Variants in LRP1B observed in about 807,000 individuals in gnomAD.
The protein encoded by LRP1B is low-density lipoprotein receptor-related protein 1B.
Under a neutral mutation model 556.6 loss-of-function variants are expected in LRP1B, and 217 were observed. The ratio of observed to expected loss-of-function variants is 0.39; its 90% CI spans 0.35 to 0.44. The LOEUF is 0.44. Ranked by LOEUF, LRP1B falls within the 20% of genes least tolerant of loss-of-function variation. The probability of loss-of-function intolerance (pLI) is 1.00; values close to 1 mark genes in which losing one functional copy is unlikely to be tolerated. For missense variants in LRP1B, 5,053 were observed against 5,620.8 expected (o/e 0.90, Z 3.23); for synonymous variants, 2,047 against 1,865.8 (o/e 1.10, Z -2.50).
chr2:140,484,736 A>G (rs1688396067), intron 59 of LRP1B, among the ~76,000 whole-genome samples: 1 of 152,184 alleles, frequency 6.6e-6, no homozygotes, highest in African/African-American at 2.4e-5. Flanking sequence ...TGACACCTTC[A>G]GATGTGTTCA....
Position 140,385,954 on chromosome 2 carries a change from G to A in LRP1B, c.10470C>T (p.Pro3490=), listed in dbSNP as rs752743011. 2.4e-5 allele frequency: 38 copies of A among 1,613,460 alleles called. No individual in the cohort carries two copies. The highest frequency in any genetic ancestry group is 5.5e-5 in the South Asian group (5 of 91,050). The change falls in exon 67 of 91, where the codon CCC becomes CCT. Residue 3490 remains proline, a synonymous_variant. Transcript: ENST00000389484. ...TTTGGCTATCACACCGCCAGTGATC[G>A]GGAATACAGTTGTTGTTTTTACACT... ...EFQCKNNNCI[P]DHWRCDSQND...
intron 1 of LRP1B, among the ~76,000 whole-genome samples, chr2:142,035,786 C>T (rs1297546107): frequency 2.6e-5 from 4 of 151,606 alleles, no homozygotes; most frequent in Admixed American, 6.6e-5. Flanking sequence ...GATATGGTTT[C>T]GCTGTGTCCT....
At chr2:140,351,878 C>A (rs908721608) in intron 76 of LRP1B, among the ~76,000 whole-genome samples, 3 of 152,060 alleles carry the variant, frequency 2.0e-5, no homozygotes, top group South Asian at 2.1e-4. Flanking sequence ...ATCTCCACTT[C>A]TTATAACTAT....
chr2:140,386,202 T>C (rs1246644954), intron 66 of LRP1B, among the ~76,000 whole-genome samples, 193 bp from the exon 67 acceptor site: 1 of 152,202 alleles, frequency 6.6e-6, no homozygotes, highest in Non-Finnish European at 1.5e-5. Context: ...GTTGTTACTG[T>C]TCATGCTTTC....
At chr2:140,729,802 T>C (rs2105494808) in intron 35 of LRP1B, among the ~76,000 whole-genome samples, 1 of 152,274 alleles carries the variant, frequency 6.6e-6, no homozygotes, top group Admixed American at 6.5e-5. Flanking sequence ...CTCTTCATAG[T>C]TAGCTACTTA....
At chr2:140,701,502 C>T (rs922007108) in intron 40 of LRP1B, among the ~76,000 whole-genome samples, 2 of 152,022 alleles carry the variant, frequency 1.3e-5, no homozygotes, top group African/African-American at 2.4e-5. Flanking sequence ...TGTAACATGT[C>T]CATGTACCTG....
intron 2 of LRP1B, among the ~76,000 whole-genome samples, chr2:141,685,190 T>C (rs1417250534): frequency 1.3e-5 from 2 of 152,090 alleles, no homozygotes; most frequent in Admixed American, 1.3e-4. Context: ...ATTCATTGTA[T>C]TTTGAGTGCA....
chr2:141,181,481 A>G (rs1005575880), intron 7 of LRP1B, among the ~76,000 whole-genome samples: 4 of 151,052 alleles, frequency 2.6e-5, no homozygotes, highest in Non-Finnish European at 1.5e-5. Context: ...ATTGAATACT[A>G]GAAACAGAGT....
Position 140,950,259 on chromosome 2 carries a change from C to T in LRP1B, c.3112G>A (p.Ala1038Thr), listed in dbSNP as rs777335628. The T allele has an allele frequency of 1.3e-6, 2 of 1,598,920 alleles. No homozygotes were observed. Among genetic ancestry groups the T allele is most frequent in the East Asian group, 4.5e-5 (2 of 44,520 alleles). ...DNDCGDFSDE[A>T]QINCTKEEIH... ...CCTTCTTTAGTACAATTGATCTGGG[C>T]TTCATCACTGAAGTCCCCACAGTCA... The change falls in exon 20 of 91, where the codon GCC becomes ACC. Residue 1038 changes from alanine (A) to threonine (T), a missense_variant. Coordinates refer to ENST00000389484, the MANE Select transcript of LRP1B (RefSeq NM_018557.3).
At chr2:141,584,085 TC>T (rs935342004) in intron 2 of LRP1B, among the ~76,000 whole-genome samples, 17 of 150,664 alleles carry the variant, frequency 1.1e-4, no homozygotes, top group Admixed American at 2.7e-4. Flanking sequence ...TCTACAAATT[TC>T]CCCCCAACGT....
At chr2:141,267,957 T>G (rs1684952569) in intron 3 of LRP1B, among the ~76,000 whole-genome samples, 2 of 152,156 alleles carry the variant, frequency 1.3e-5, no homozygotes, top group Non-Finnish European at 2.9e-5. Flanking sequence ...TTTTTCATAT[T>G]TAGTAAATTA....
At chr2:140,299,753 C>T (rs115727656) in intron 83 of LRP1B, among the ~76,000 whole-genome samples, 1 of 152,066 alleles carries the variant, frequency 6.6e-6, no homozygotes, top group East Asian at 1.9e-4. Flanking sequence ...AGAAGTAATT[C>T]TTCAATTACA....
At chr2:141,312,034 G>A (rs1016950409) in intron 3 of LRP1B, among the ~76,000 whole-genome samples, 4 of 152,176 alleles carry the variant, frequency 2.6e-5, no homozygotes, top group African/African-American at 9.7e-5. Flanking sequence ...GAGGAGAAAT[G>A]TAGGGAAAAT....
At chr2:140,784,714 A>G (rs77487273) in intron 32 of LRP1B, among the ~76,000 whole-genome samples, 9,463 of 101,292 alleles carry the variant, frequency 0.093, 745 homozygotes, top group East Asian at 0.25. Flanking sequence ...AGAGGAGGTT[A>G]TAATGAAGAA....
rs199994296 is a variant in LRP1B at position 141,710,454 on chromosome 2, T to A, written c.205+99825A>T. Among the ~76,000 whole-genome samples the A allele has an allele frequency of 9.8e-5, 15 of 152,298 alleles. No individual in the cohort carries two copies. The East Asian group carries it at 2.3e-3, about 24-fold the overall frequency. On this transcript the variant is annotated intron_variant, in intron 2 of 90. Transcript: ENST00000389484. ...GTAAAGAGCAGCTACCCTGTGATTG[T>A]CACAGTAAATTACAGAATTTCAGTG... is the stretch of plus-strand genomic sequence containing the variant.
At chr2:141,591,541 G>A (rs998486312) in intron 2 of LRP1B, among the ~76,000 whole-genome samples, 1 of 151,550 alleles carries the variant, frequency 6.6e-6, no homozygotes, top group African/African-American at 2.4e-5. Flanking sequence ...AGTTTTCCTC[G>A]GGCAGAAAAT....
At chr2:140,830,946 C>G (rs371430375) in intron 31 of LRP1B, among the ~76,000 whole-genome samples, 1 of 151,946 alleles carries the variant, frequency 6.6e-6, no homozygotes, top group African/African-American at 2.4e-5. Context: ...AAGAAACAAT[C>G]CCATATGCAA....
intron 2 of LRP1B, among the ~76,000 whole-genome samples, chr2:141,794,116 T>C (rs1695719228): frequency 6.6e-6 from 1 of 151,932 alleles, no homozygotes; most frequent in Admixed American, 6.6e-5. Flanking sequence ...AGGAATATTT[T>C]AGTCTAGAAA....
At chr2:141,705,491 T>G (rs1692104022) in intron 2 of LRP1B, among the ~76,000 whole-genome samples, 1 of 152,038 alleles carries the variant, frequency 6.6e-6, no homozygotes, top group South Asian at 2.1e-4. Context: ...ATGTAGGTAG[T>G]GCTTAATGAT....
Sources: gnomAD v4.1 joint callset for allele counts (sites outside exome capture counted in the v4.1 genomes callset) on GRCh38, gnomAD v4.1.1 for gene constraint, MANE v1.5 for transcripts, NCBI Gene and HGNC (gene_info 2026-07-23, HGNC 2026-07-21) for gene names.